Variants in GRIA3 observed in about 807,000 individuals in gnomAD.
The protein encoded by GRIA3 is glutamate receptor 3.
GRIA3 carries 3 observed loss-of-function variants against 63.0 expected under a neutral mutation model. That is an observed-to-expected ratio of 0.05 (90% CI 0.02 to 0.12). The LOEUF is 0.12. GRIA3 is among the 10% of genes least tolerant of loss of function. GRIA3 has a pLI of 1.00. For missense variants in GRIA3, 347 were observed against 700.9 expected, an observed-to-expected ratio of 0.50 and a Z score of 5.70; for synonymous variants, 274 against 257.9, an observed-to-expected ratio of 1.06 and a Z score of -0.60.
At chrX:123,375,746 T>C (rs1314966801) in intron 5 of GRIA3, among the ~76,000 whole-genome samples, 1 of 111,935 alleles carries the variant, frequency 8.9e-6, no homozygotes, top group Non-Finnish European at 1.9e-5. Flanking sequence ...AGATGGGAAA[T>C]AGATGAACCA....
At chrX:123,375,615 T>C (rs2045280376) in intron 5 of GRIA3, among the ~76,000 whole-genome samples, 1 of 111,999 alleles carries the variant, frequency 8.9e-6, no homozygotes, top group Non-Finnish European at 1.9e-5. Flanking sequence ...ATATTAGTTC[T>C]TTGCTGTAAT....
chrX:123,437,656 T>C (rs1885701584), intron 12 of GRIA3, among the ~76,000 whole-genome samples: 1 of 111,261 alleles, frequency 9.0e-6, no homozygotes, highest in South Asian at 3.9e-4. Context: ...AGATTTATGA[T>C]TCATTTTGGA....
intron 5 of GRIA3, among the ~76,000 whole-genome samples, chrX:123,391,036 C>T (rs190358861): frequency 1.6e-3 from 175 of 110,868 alleles, no homozygotes; most frequent in Middle Eastern, 4.7e-3. Flanking sequence ...TCATATCCTG[C>T]ATTGTTTTTC....
chrX:123,377,766 G>A (rs5911611), intron 5 of GRIA3, among the ~76,000 whole-genome samples: 10,432 of 110,739 alleles, frequency 0.094, 436 homozygotes, highest in Non-Finnish European at 0.13. Context: ...CCATTCTATT[G>A]CCTTCCTTAT....
At chrX:123,239,195 T>A (rs1406219252) in intron 2 of GRIA3, among the ~76,000 whole-genome samples, 1 of 109,728 alleles carries the variant, frequency 9.1e-6, no homozygotes, top group Non-Finnish European at 1.9e-5. Flanking sequence ...AAGGTCCCCA[T>A]GCAGAGGTAT....
intron 5 of GRIA3, among the ~76,000 whole-genome samples, chrX:123,367,417 CTTTTT>C (rs1335591824): frequency 8.3e-5 from 9 of 108,725 alleles, no homozygotes; most frequent in Non-Finnish European, 1.5e-4. Context: ...TGGGTTCTCT[CTTTTT>C]TTTGTTTTTT....
At chrX:123,330,202 A>G (rs192724019) in intron 4 of GRIA3, among the ~76,000 whole-genome samples, 1 of 112,452 alleles carries the variant, frequency 8.9e-6, no homozygotes, top group African/African-American at 3.2e-5. Flanking sequence ...GTTTTCACAT[A>G]GATAATCTGA....
chrX:123,437,541 G>C (rs2045652187), intron 12 of GRIA3, among the ~76,000 whole-genome samples: 1 of 110,739 alleles, frequency 9.0e-6, no homozygotes, highest in African/African-American at 3.3e-5. Context: ...AAAGTCCTGG[G>C]GCAGAAACAA....
At chrX:123,276,673 T>G (rs1368925676) in intron 3 of GRIA3, among the ~76,000 whole-genome samples, 1 of 111,847 alleles carries the variant, frequency 8.9e-6, no homozygotes, top group East Asian at 2.8e-4. Flanking sequence ...CTGGAATTTG[T>G]ATCCAGGCAG....
intron 2 of GRIA3, among the ~76,000 whole-genome samples, chrX:123,251,608 G>A (rs762828859): frequency 2.0e-3 from 219 of 110,906 alleles, no homozygotes; most frequent in African/African-American, 5.5e-3. Flanking sequence ...GCTAATTTTC[G>A]TATTTTTAGT....
At chrX:123,444,324 T>G (rs1317318476) in intron 12 of GRIA3, among the ~76,000 whole-genome samples, 1 of 111,469 alleles carries the variant, frequency 9.0e-6, no homozygotes, top group Non-Finnish European at 1.9e-5. Flanking sequence ...TAGGAGGATG[T>G]AAATGTTATC....
At chrX:123,433,513 T>C (rs373998765) in intron 12 of GRIA3, among the ~76,000 whole-genome samples, 118 of 112,033 alleles carry the variant, frequency 1.1e-3, no homozygotes, top group African/African-American at 3.2e-3. Context: ...ATTGTCTCTT[T>C]TTGTATTAGT....
chrX:123,375,442 C>T (rs5910001), intron 5 of GRIA3, among the ~76,000 whole-genome samples: 16,756 of 110,783 alleles, frequency 0.15, 1,086 homozygotes, highest in Non-Finnish European at 0.2. Context: ...TGGTTAATAC[C>T]GCCCTTGGAG....
At chrX:123,359,636 C>A (rs2045156365) in intron 5 of GRIA3, among the ~76,000 whole-genome samples, 1 of 112,084 alleles carries the variant, frequency 8.9e-6, no homozygotes, top group Non-Finnish European at 1.9e-5. Context: ...AAGGATCAAT[C>A]AAAAACAGTC....
intron 2 of GRIA3, among the ~76,000 whole-genome samples, chrX:123,210,702 C>T (rs1353685099): frequency 9.0e-6 from 1 of 111,458 alleles, no homozygotes; most frequent in Non-Finnish European, 1.9e-5. Flanking sequence ...CTATTCCAGT[C>T]GACTTTAGTG....
chrX:123,472,367 A>G (rs1440271239), intron 13 of GRIA3, among the ~76,000 whole-genome samples: 1 of 109,908 alleles, frequency 9.1e-6, no homozygotes, highest in Non-Finnish European at 1.9e-5. Context: ...TTCTCATTCT[A>G]TGCTTCTCTA....
intron 11 of GRIA3, among the ~76,000 whole-genome samples, chrX:123,420,034 C>T (rs1204518051): frequency 8.9e-6 from 1 of 111,741 alleles, no homozygotes; most frequent in South Asian, 3.7e-4. Flanking sequence ...ACAAATATGG[C>T]GGTGAATTCT....
chrX:123,445,785 C>T (rs535965116), intron 12 of GRIA3, among the ~76,000 whole-genome samples: 1 of 112,163 alleles, frequency 8.9e-6, no homozygotes, highest in East Asian at 2.8e-4. Context: ...CATTTGGGTG[C>T]TAACAGATCA....
At chrX:123,242,116 A>G (rs1016412847) in intron 2 of GRIA3, among the ~76,000 whole-genome samples, 43 of 112,025 alleles carry the variant, frequency 3.8e-4, no homozygotes, top group African/African-American at 1.4e-3. Flanking sequence ...AAAGTGGGAA[A>G]TAAAGGCATG....
Sources: allele counts gnomAD v4.1 joint callset (sites outside exome capture counted in the v4.1 genomes callset), GRCh38; gene constraint gnomAD v4.1.1; transcripts MANE v1.5; gene names NCBI Gene and HGNC (gene_info 2026-07-23, HGNC 2026-07-21).